The following SVIL variants were observed in gnomAD, a reference collection of about 807,000 sequenced individuals.
SVIL encodes the protein supervillin, also known as archvillin.
Under a neutral mutation model 240.4 loss-of-function variants are expected in SVIL, and 101 were observed. The observed-to-expected ratio is 0.42, with a 90% CI of 0.36 to 0.50. SVIL has a LOEUF of 0.50. SVIL is among the 20% of genes least tolerant of loss of function. The pLI is 0.01. For missense variants in SVIL, 2,512 were observed against 2,818.7 expected (o/e 0.89, Z 2.46); for synonymous variants, 999 against 1,100.0 (o/e 0.91, Z 1.82).
At chr10:29,613,709 G>A (rs1262092340) in intron 1 of SVIL, among the ~76,000 whole-genome samples, 2 of 152,164 alleles carry the variant, frequency 1.3e-5, no homozygotes, top group African/African-American at 4.8e-5. Context: ...CAAACCCATG[G>A]TGATATGGTT....
At chr10:29,502,629 G>T (rs1948984686) in intron 17 of SVIL, among the ~76,000 whole-genome samples, 1 of 152,130 alleles carries the variant, frequency 6.6e-6, no homozygotes, top group Non-Finnish European at 1.5e-5. Flanking sequence ...GGCAGAAAAA[G>T]AGGGTGGAAG....
intron 1 of SVIL, among the ~76,000 whole-genome samples, chr10:29,599,140 C>T (rs1252193294): frequency 6.6e-6 from 1 of 152,100 alleles, no homozygotes; most frequent in Non-Finnish European, 1.5e-5. Flanking sequence ...TCATGCTGAT[C>T]TGGCAAAGAA....
chr10:29,571,736 A>G (rs1955428138), intron 1 of SVIL, among the ~76,000 whole-genome samples: 1 of 152,248 alleles, frequency 6.6e-6, no homozygotes, highest in South Asian at 2.1e-4. Context: ...CAATTCCAAG[A>G]AAAATTCGCA....
At chr10:29,471,001 C>A in intron 31 of SVIL, 137 bp downstream of exon 31, 1 of 787,936 alleles carries the variant, frequency 1.3e-6, no homozygotes. Context: ...GCTGAGTTAT[C>A]AGGCAAACAT....
intron 1 of SVIL, among the ~76,000 whole-genome samples, chr10:29,596,773 A>G (rs1956608227): frequency 6.6e-6 from 1 of 152,236 alleles, no homozygotes; most frequent in Non-Finnish European, 1.5e-5. Flanking sequence ...TTTGTACAGC[A>G]TTTCACTGCA....
rs541688684 is a variant in SVIL at position 29,649,975 on chromosome 10, C to T, written c.-201+7994G>A. The stretch of plus-strand genomic sequence containing the variant: ...TACATTTCTCTGTTGCTTGCTCTCA[C>T]CATGTGATGCCTTCTGCCAGGGGAT... On this transcript the variant is annotated intron_variant, in intron 3 of 35. Coordinates refer to the SVIL transcript ENST00000375400. Among the ~76,000 whole-genome samples the T allele has an allele frequency of 7.9e-5, 12 of 152,332 alleles. 1 individual carries two copies. The South Asian group carries it at 1.7e-3, about 21-fold the overall frequency.
intron 28 of SVIL, 78 bp from the exon 29 acceptor site, chr10:29,480,891 C>T: frequency 6.7e-7 from 1 of 1,497,964 alleles, no homozygotes; most frequent in Non-Finnish European, 9.1e-7. Flanking sequence ...GCTGCTTCAG[C>T]TGTTCATGGG....
chr10:29,630,248 A>G (rs1185432130), intron 1 of SVIL, among the ~76,000 whole-genome samples: 1 of 152,190 alleles, frequency 6.6e-6, no homozygotes, highest in African/African-American at 2.4e-5. Context: ...GAATGTACCC[A>G]GGGCTGTGAC....
At chr10:29,467,042 G>A (rs1424157194) in intron 33 of SVIL, among the ~76,000 whole-genome samples, 1 of 152,184 alleles carries the variant, frequency 6.6e-6, no homozygotes, top group African/African-American at 2.4e-5. Context: ...GTGTTGGGTT[G>A]TACTAACGGA....
chr10:29,467,827 G>T lies in SVIL; in HGVS notation c.5892C>A (p.His1964Gln), dbSNP rs200477435. Residue 1964 changes from histidine to glutamine, a missense_variant, in exon 33 of 38, where the codon CAC (histidine) becomes CAA (glutamine). Coordinates refer to ENST00000355867, the MANE Select transcript of SVIL (RefSeq NM_021738.3). Reference sequence around the variant, plus strand: ...GTGGCTCGGAGCCTTCATCACACTCGTGTATTGTGACTTTGCTGCTACTAT... The same window carrying T: ...GTGGCTCGGAGCCTTCATCACACTCTTGTATTGTGACTTTGCTGCTACTAT... ...GLHSSSKVTIHECDEGSEPLG... is the reference protein window; with the variant it reads ...GLHSSSKVTIQECDEGSEPLG... 6.2e-7 allele frequency: 1 copy of T among 1,614,134 alleles called. No homozygotes were observed. Among genetic ancestry groups the T allele is most frequent in the Non-Finnish European group, 8.5e-7 (1 of 1,179,998 alleles).
chr10:29,609,341 C>T (rs2479695), intron 1 of SVIL, among the ~76,000 whole-genome samples: 19,172 of 152,196 alleles, frequency 0.13, 1,386 homozygotes, highest in Middle Eastern at 0.2. Context: ...CTGCTGTTAA[C>T]ACTATAGCCC....
At chr10:29,664,733 T>A (rs2133044652) in intron 2 of SVIL, among the ~76,000 whole-genome samples, 1 of 152,128 alleles carries the variant, frequency 6.6e-6, no homozygotes, top group Admixed American at 6.6e-5. Context: ...TATGGATGCA[T>A]ACATTTGTAT....
intron 1 of SVIL, among the ~76,000 whole-genome samples, chr10:29,724,606 G>A (rs1307600201): frequency 6.6e-6 from 1 of 152,024 alleles, no homozygotes; most frequent in Non-Finnish European, 1.5e-5. Context: ...GTCTAATACC[G>A]AATTCATTTT....
chr10:29,523,900 C>T lies in SVIL; in HGVS notation c.2714G>A (p.Ser905Asn), dbSNP rs1273468286. The T allele has an allele frequency of 2.5e-6, 4 of 1,614,162 alleles. No individual in the cohort carries two copies. In the South Asian group the frequency reaches 4.4e-5, roughly 18 times the overall value. Residue 905 changes from serine (S) to asparagine (N), a missense_variant, in exon 15 of 38, where the codon AGT becomes AAT. Ser to Asn is a conservative substitution (Grantham distance 46, BLOSUM62 1). Coordinates refer to ENST00000355867, the MANE Select transcript of SVIL (RefSeq NM_021738.3). Reference sequence around the variant, plus strand: ...AGAAGAAAACTTATAGTCAGTGGCACTTGCATTGTGGTCAAGAGGTGGCTT... The same window carrying T: ...AGAAGAAAACTTATAGTCAGTGGCATTTGCATTGTGGTCAAGAGGTGGCTT... ...RTKPPLDHNASATDYKFSSSI... is the reference protein window; with the variant it reads ...RTKPPLDHNANATDYKFSSSI...
chr10:29,508,020 C>T, intron 17 of SVIL: 1 of 200,704 alleles, frequency 5.0e-6, no homozygotes, highest in East Asian at 1.3e-4. Flanking sequence ...GGTAAATATA[C>T]CTGAGTCAGC....
At chr10:29,573,582 A>G (rs1461202734) in intron 1 of SVIL, among the ~76,000 whole-genome samples, 1 of 152,020 alleles carries the variant, frequency 6.6e-6, no homozygotes, top group Non-Finnish European at 1.5e-5. Context: ...TATTACTACT[A>G]TTATTATCAT....
intron 16 of SVIL, among the ~76,000 whole-genome samples, chr10:29,520,302 C>T (rs1443958702): frequency 6.6e-6 from 1 of 152,120 alleles, no homozygotes; most frequent in Non-Finnish European, 1.5e-5. Context: ...AATGATCTCT[C>T]TTCTTCCTCA....
chr10:29,686,260 G>A (rs956634772), intron 2 of SVIL, among the ~76,000 whole-genome samples: 1 of 152,162 alleles, frequency 6.6e-6, no homozygotes, highest in Non-Finnish European at 1.5e-5. Context: ...ATAAATGTGA[G>A]GCTGTCACAC....
At position 29,626,843 on chromosome 10, in the gene SVIL, T is replaced by C. The variant is rs1048459565; in HGVS notation, c.-201+7577A>G. The stretch of plus-strand genomic sequence containing the variant: ...ATCAAGACCATCCTGGCTAATACGG[T>C]GAAACCCCGTCTCTACTAAAAATAC... On this transcript the variant is annotated intron_variant, in intron 1 of 37. Coordinates refer to ENST00000355867, the MANE Select transcript of SVIL (RefSeq NM_021738.3). 9.2e-5 allele frequency among the ~76,000 whole-genome samples: 14 copies of C among 151,934 alleles called. No homozygotes were observed. In the South Asian group the frequency reaches 2.3e-3, roughly 25 times the overall value.
Sources: gnomAD v4.1 joint callset for allele counts (sites outside exome capture counted in the v4.1 genomes callset) on GRCh38, gnomAD v4.1.1 for gene constraint, MANE v1.5 for transcripts, NCBI Gene and HGNC (gene_info 2026-07-23, HGNC 2026-07-21) for gene names.